The following CDAN1 variants were observed in gnomAD, a reference collection of about 807,000 sequenced individuals.
CDAN1 encodes codanin-1.
Under a neutral mutation model 139.8 loss-of-function variants are expected in CDAN1, and 107 were observed. The ratio of observed to expected loss-of-function variants is 0.77; its 90% CI spans 0.65 to 0.90. CDAN1 has a LOEUF of 0.90. Ranked by LOEUF, CDAN1 falls within the 40% of genes least tolerant of loss-of-function variation. CDAN1 has a pLI of 0.00. For synonymous variants in CDAN1, 776 were observed against 660.6 expected (o/e 1.17, Z -2.68); for missense variants, 1,667 against 1,575.7 (o/e 1.06, Z -0.98).
chr15:42,724,971 C>G (rs1456244881), intron 27 of CDAN1, 173 bp downstream of exon 27: 2 of 695,636 alleles, frequency 2.9e-6, no homozygotes, highest in Non-Finnish European at 5.2e-6. Context: ...TCCGTCTTCC[C>G]ACTAACACAG....
chr15:42,728,581 A>C, intron 20 of CDAN1, 71 bp downstream of exon 20: 1 of 1,580,850 alleles, frequency 6.3e-7, no homozygotes, highest in East Asian at 2.2e-5. Context: ...AAAAAGAGTA[A>C]GTGTGAAGGA....
chr15:42,725,258 AAC>A lies in CDAN1; in HGVS notation c.3451-9_3451-8del, dbSNP rs2061508707. 6.2e-7 allele frequency: 1 copy of A among 1,613,422 alleles called. No homozygotes were observed. The highest frequency in any genetic ancestry group is 8.5e-7 in the Non-Finnish European group (1 of 1,179,336). ...AGAATAGCAGCAAGTCCCACTGCAA[AAC>A]ACACCGAGGTCAGGGTTGCTAGGAG... is the stretch of plus-strand genomic sequence containing the variant. On this transcript the variant is annotated splice_region_variant and splice_polypyrimidine_tract_variant and intron_variant, in intron 26 of 27. Coordinates refer to ENST00000356231, the MANE Select transcript of CDAN1 (RefSeq NM_138477.4).
chr15:42,726,196 G>C (rs1566979096), intron 24 of CDAN1, 36 bp from the exon 25 acceptor site: 1 of 1,609,908 alleles, frequency 6.2e-7, no homozygotes, highest in Non-Finnish European at 8.5e-7. Flanking sequence ...GAGACCATAG[G>C]TATCACCATG....
In CDAN1 at chr15:42,724,294, C is replaced by T; in HGVS notation, c.*197G>A. On this transcript the variant is annotated 3_prime_UTR_variant, in exon 28 of 28. Coordinates refer to ENST00000356231, the MANE Select transcript of CDAN1 (RefSeq NM_138477.4). ...ATCTCTGGACTTTTCTGCCATAATCCCAAATCAGGCCAACTCTCCTTCCTC... is the reference window on the plus strand; with the variant it reads ...ATCTCTGGACTTTTCTGCCATAATCTCAAATCAGGCCAACTCTCCTTCCTC... 1.5e-6 allele frequency: 1 copy of T among 673,076 alleles called. No homozygotes were observed. Among genetic ancestry groups the T allele is most frequent in the Non-Finnish European group, 2.5e-6 (1 of 397,338 alleles). The allele number at this position is 673,076 out of a possible 1,614,324, so 41.7% of individuals were successfully genotyped here.
intron 14 of CDAN1, among the ~76,000 whole-genome samples, 170 bp downstream of exon 14, chr15:42,730,428 G>C (rs991238587): frequency 1.3e-5 from 2 of 152,240 alleles, no homozygotes; most frequent in Admixed American, 1.3e-4. Context: ...AAGTGCAGAT[G>C]ATTTCCCACT....
At chr15:42,735,396 G>A in intron 4 of CDAN1, 22 bp from the exon 5 acceptor site, 1 of 1,593,876 alleles carries the variant, frequency 6.3e-7, no homozygotes, top group Non-Finnish European at 8.6e-7. Context: ...CAAAAAGAAA[G>A]CCCATGGTAT....
rs1217368966 is a variant in CDAN1 at position 42,734,297 on chromosome 15, C to T, written c.1186G>A (p.Glu396Lys). Residue 396 changes from glutamate to lysine, a missense_variant, in exon 7 of 28, where the codon GAG (glutamate) becomes AAG (lysine). Glu to Lys is a moderately conservative substitution (Grantham distance 56). Transcript: ENST00000356231. ...KGTLKLLAENERLLCFSPALQ... is the reference protein window; with the variant it reads ...KGTLKLLAENKRLLCFSPALQ... Reference sequence around the variant, plus strand: ...GCTGGTGAGAAGCACAGCAGCCGCTCATTCTCAGCCAGCAGCTTCAAGGTC... The same window carrying T: ...GCTGGTGAGAAGCACAGCAGCCGCTTATTCTCAGCCAGCAGCTTCAAGGTC... The T allele has an allele frequency of 1.9e-6, 3 of 1,614,136 alleles. No homozygotes were observed. Among genetic ancestry groups the T allele is most frequent in the Non-Finnish European group, 2.5e-6 (3 of 1,180,034 alleles).
rs755921440 is a variant in CDAN1, at chr15:42,725,558, C to T, written c.3381G>A (p.Gly1127=). 5 of 1,614,162 alleles carry T rather than the reference C, an allele frequency of 3.1e-6. No homozygotes were observed. The highest frequency in any genetic ancestry group is 3.3e-5 in the Admixed American group (2 of 60,010). Residue 1127 remains glycine, a synonymous_variant, in exon 26 of 28, where the codon GGG becomes GGA. Transcript: ENST00000356231. The part of the protein sequence containing the change: ...LLSLWKEDFQ[G]PVPLQLLLSP... The stretch of plus-strand genomic sequence containing the variant: ...TCAGCAGCAGCTGCAGCGGAACCGG[C>T]CCCTGAAAGTCTTCCTTCCACAAGG...
chr15:42,728,143 T>A, intron 21 of CDAN1, 61 bp downstream of exon 21: 1 of 1,596,570 alleles, frequency 6.3e-7, no homozygotes, highest in East Asian at 2.2e-5. Context: ...AGCCTCAGAC[T>A]ACTCCGTGCA....
rs146943484 is a variant in CDAN1, at chr15:42,733,561, C to T, written c.1368-375G>A. Among the ~76,000 whole-genome samples the T allele has an allele frequency of 3.9e-5, 6 of 152,324 alleles. 1 individual carries two copies. In the East Asian group the frequency reaches 7.7e-4, roughly 20 times the overall value. ...AAGTGCTAGGATTACAGGCGTGAGC[C>T]ACCACACCCGGCCAGCAGCCCCATT... On this transcript the variant is annotated intron_variant, in intron 8 of 27. Transcript: ENST00000356231.
Position 42,730,761 on chromosome 15 carries a change from G to A in CDAN1, c.2011C>T (p.Pro671Ser). Reference protein sequence around the residue: ...DSILALRSQVPPVLDVRTLLQ... With the variant: ...DSILALRSQVSPVLDVRTLLQ... ...AGAGTCCGCACATCCAGGACCGGAG[G>A]GACCTGGGAGGGCCAGAGCTCAGTC... The change falls in exon 14 of 28, where the codon CCT (proline) becomes TCT (serine). Residue 671 changes from proline (P) to serine (S), a missense_variant. Coordinates refer to ENST00000356231, the MANE Select transcript of CDAN1 (RefSeq NM_138477.4). 1 of 1,612,176 alleles carries A rather than the reference G, an allele frequency of 6.2e-7. No individual in the cohort carries two copies. The highest frequency in any genetic ancestry group is 8.5e-7 in the Non-Finnish European group (1 of 1,179,106).
Position 42,729,633 on chromosome 15 carries a change from A to G in CDAN1, c.2353-11T>C. The G allele has an allele frequency of 1.2e-6, 2 of 1,613,872 alleles. No individual in the cohort carries two copies. The highest frequency in any genetic ancestry group is 8.5e-7 in the Non-Finnish European group (1 of 1,179,928). The stretch of plus-strand genomic sequence containing the variant: ...CACAGGCGCATTGTCCTGGGGAGAA[A>G]AGGTTGGTGTCAGCAGACTGCCCCT... On this transcript the variant is annotated splice_polypyrimidine_tract_variant and intron_variant, in intron 16 of 27. Coordinates refer to ENST00000356231, the MANE Select transcript of CDAN1 (RefSeq NM_138477.4).
rs145041909 is a variant in CDAN1, at chr15:42,727,646, G to T, written c.3071C>A (p.Pro1024His). Residue 1024 changes from proline (P) to histidine (H), a missense_variant, in exon 23 of 28, where the codon CCC becomes CAC. Coordinates refer to ENST00000356231, the MANE Select transcript of CDAN1 (RefSeq NM_138477.4). ...TTTTATCTCGGAGATGAGGTGGGAG[G>T]GGAGGGGAGCATGGTGCTCACAGGC... ...SRACEHHAPL[P>H]SHLISEIKDV... The T allele has an allele frequency of 6.3e-7, 1 of 1,582,952 alleles. No homozygotes were observed. The highest frequency in any genetic ancestry group is 1.1e-5 in the South Asian group (1 of 88,034).
In CDAN1 at chr15:42,729,228, C is replaced by T. The variant is rs1274097885; in HGVS notation, c.2541+1G>A. 2.6e-6 allele frequency: 4 copies of T among 1,546,732 alleles called. No homozygotes were observed. The highest frequency in any genetic ancestry group is 2.4e-5 in the East Asian group (1 of 41,104). On this transcript the variant is annotated splice_donor_variant, in intron 18 of 27. Transcript: ENST00000356231. LOFTEE classifies it high-confidence loss of function. ...CACGGCTGTCTCCGCCCTGCCCTTA[C>T]CTGCAGCCCCTGGCTGGTCTGGGAA... is the stretch of plus-strand genomic sequence containing the variant.
Position 42,730,517 on chromosome 15 carries a change from G to A in CDAN1, c.2174+81C>T, listed in dbSNP as rs763403947. ...CCCACACGCACAGTGCAGACTGCTCGACCCTCTTTATTAATAGCAGGCTTG... is the reference window on the plus strand; with the variant it reads ...CCCACACGCACAGTGCAGACTGCTCAACCCTCTTTATTAATAGCAGGCTTG... On this transcript the variant is annotated intron_variant, in intron 14 of 27. Coordinates refer to ENST00000356231, the MANE Select transcript of CDAN1 (RefSeq NM_138477.4). The A allele has an allele frequency of 2.8e-4, 427 of 1,522,334 alleles. 2 individuals are homozygous for A. The highest frequency in any genetic ancestry group is 1.1e-3 in the African/African-American group (81 of 72,762). The allele number at this position is 1,522,334 out of a possible 1,614,324, so 94.3% of individuals were successfully genotyped here.
Position 42,726,272 on chromosome 15 carries a change from C to T in CDAN1, c.3204+38G>A, listed in dbSNP as rs1481362257. 18 of 1,593,422 alleles carry T rather than the reference C, an allele frequency of 1.1e-5. 1 individual carries two copies. In the Middle Eastern group the frequency reaches 1.5e-3, roughly 136 times the overall value. Reference sequence around the variant, plus strand: ...GGTTATCAGGTCTCACACAAGGACACAGAAAAAAGCCCCCCGGTGGCAGAT... The same window carrying T: ...GGTTATCAGGTCTCACACAAGGACATAGAAAAAAGCCCCCCGGTGGCAGAT... On this transcript the variant is annotated intron_variant, in intron 24 of 27. Transcript: ENST00000356231.
chr15:42,730,835 G>A, intron 13 of CDAN1, 71 bp from the exon 14 acceptor site: 2 of 1,613,072 alleles, frequency 1.2e-6, no homozygotes, highest in Admixed American at 1.7e-5. Flanking sequence ...TAACCTGCCT[G>A]GTTTCCAGAA....
Position 42,726,428 on chromosome 15 carries a change from CA to C in CDAN1, c.3097-12del. On this transcript the variant is annotated splice_polypyrimidine_tract_variant and intron_variant, in intron 23 of 27. Coordinates refer to ENST00000356231, the MANE Select transcript of CDAN1 (RefSeq NM_138477.4). ...CAAGGAGAGCACGTCCTGTGAAGAG[CA>C]GGGGGAGATATCACCTTGCGCTGGG... 3 of 1,575,590 alleles carry C rather than the reference CA, an allele frequency of 1.9e-6. No individual in the cohort carries two copies. The highest frequency in any genetic ancestry group is 2.6e-6 in the Non-Finnish European group (3 of 1,158,932).
Position 42,729,112 on chromosome 15 carries a change from C to A in CDAN1, c.2556G>T (p.Gln852His). Residue 852 changes from glutamine to histidine, a missense_variant, in exon 19 of 28, where the codon CAG (glutamine) becomes CAT (histidine). By Grantham distance (24) the Gln-to-His change is conservative. Coordinates refer to ENST00000356231, the MANE Select transcript of CDAN1 (RefSeq NM_138477.4). ...AGGGCGGCTGGTTGTGGAAAAAGGCCTGGGCGAGCTGTGCCTGGGGGGAGG... is the reference window on the plus strand; with the variant it reads ...AGGGCGGCTGGTTGTGGAAAAAGGCATGGGCGAGCTGTGCCTGGGGGGAGG... ...TSQGLQAQLA[Q>H]AFFHNQPPSL... 1 of 1,614,198 alleles carries A rather than the reference C, an allele frequency of 6.2e-7. No homozygotes were observed. Among genetic ancestry groups the A allele is most frequent in the Non-Finnish European group, 8.5e-7 (1 of 1,180,028 alleles).
Sources: allele counts gnomAD v4.1 joint callset (sites outside exome capture counted in the v4.1 genomes callset), GRCh38; gene constraint gnomAD v4.1.1; transcripts MANE v1.5; gene names NCBI Gene and HGNC (gene_info 2026-07-23, HGNC 2026-07-21).